The following AGO3 variants were observed in gnomAD, a reference collection of about 807,000 sequenced individuals.
AGO3 encodes the protein argonaute RISC catalytic component 3, also known as protein argonaute-3.
In AGO3, 16 loss-of-function variants were observed where a neutral mutation model predicts 105.5. That is an observed-to-expected ratio of 0.15 (90% CI 0.10 to 0.23). The LOEUF (loss-of-function observed/expected upper bound fraction) is 0.23. Among genes scored for constraint, AGO3 ranks in the 10% least tolerant of loss-of-function variants. AGO3 has a pLI of 1.00. For missense variants in AGO3, 534 were observed against 1,088.0 expected (o/e 0.49, Z 7.16); for synonymous variants, 340 against 367.3 (o/e 0.93, Z 0.85).
intron 2 of AGO3, among the ~76,000 whole-genome samples, chr1:35,950,474 A>G (rs528293720): frequency 6.6e-6 from 1 of 152,254 alleles, no homozygotes; most frequent in South Asian, 2.1e-4. Context: ...TTGTGGGTCA[A>G]CCTTTCTACA....
At chr1:35,972,972 C>T (rs912828674) in intron 4 of AGO3, among the ~76,000 whole-genome samples, 1 of 147,752 alleles carries the variant, frequency 6.8e-6, no homozygotes, top group Non-Finnish European at 1.5e-5. Context: ...GCTCGGATTA[C>T]AGGTGTGAGC....
At chr1:36,029,840 G>A (rs531113606) in intron 12 of AGO3, among the ~76,000 whole-genome samples, 12 of 151,720 alleles carry the variant, frequency 7.9e-5, no homozygotes, top group South Asian at 6.2e-4. Flanking sequence ...CTATAGGCGC[G>A]TGCCACCATG....
In AGO3 at chr1:36,061,599, A is replaced by G. The variant is rs1427441338; in HGVS notation, c.*5854A>G. ...TGTGACAAAATTAGAATCCTGTCAAATCACCTATCCAGCCATCGGGGTCCC... is the reference window on the plus strand; with the variant it reads ...TGTGACAAAATTAGAATCCTGTCAAGTCACCTATCCAGCCATCGGGGTCCC... On this transcript the variant is annotated 3_prime_UTR_variant, in exon 19 of 19. Transcript: ENST00000373191. 2 of 152,214 alleles carry G rather than the reference A, an allele frequency of 1.3e-5. No homozygotes were observed. The highest frequency in any genetic ancestry group is 3.8e-4 in the East Asian group (2 of 5,204). The allele number at this position is 152,214 out of a possible 1,614,324, so 9.4% of individuals were successfully genotyped here.
At chr1:36,009,237 AC>A in intron 8 of AGO3, 193 bp downstream of exon 8, 1 of 837,722 alleles carries the variant, frequency 1.2e-6, no homozygotes, top group Non-Finnish European at 1.7e-6. Context: ...CTCTAATGTA[AC>A]CACTGTTAAC....
intron 5 of AGO3, among the ~76,000 whole-genome samples, chr1:35,974,040 G>A (rs1027299364): frequency 1.3e-5 from 2 of 152,090 alleles, no homozygotes; most frequent in East Asian, 1.9e-4. Flanking sequence ...TGCGTAATCC[G>A]AGTACATTTC....
chr1:36,040,687 A>G (rs1019838121), intron 16 of AGO3, among the ~76,000 whole-genome samples: 2 of 152,174 alleles, frequency 1.3e-5, no homozygotes, highest in Admixed American at 1.3e-4. Flanking sequence ...ATGGTTTTAA[A>G]ATTATTCTTC....
intron 17 of AGO3, among the ~76,000 whole-genome samples, chr1:36,046,967 G>A (rs190209466): frequency 1.3e-5 from 2 of 151,910 alleles, no homozygotes; most frequent in Admixed American, 6.6e-5. Flanking sequence ...AAAGCAGGCC[G>A]GCCGCAGTGG....
At chr1:35,952,110 G>GTCTTTCTTTCTT (rs146413112) in intron 2 of AGO3, among the ~76,000 whole-genome samples, 8 of 113,010 alleles carry the variant, frequency 7.1e-5, no homozygotes, top group Non-Finnish European at 1.2e-4. Context: ...TTCTGGGTCG[G>GTCTTTCTTTCTT]TCTTTCTTTC....
At chr1:35,943,752 C>T (rs1646303624) in intron 1 of AGO3, among the ~76,000 whole-genome samples, 1 of 151,788 alleles carries the variant, frequency 6.6e-6, no homozygotes, top group South Asian at 2.1e-4. Flanking sequence ...TACAGGTGCA[C>T]ACCTGGCTAA....
At chr1:35,945,198 CTT>C in intron 1 of AGO3, among the ~76,000 whole-genome samples, 1 of 136,158 alleles carries the variant, frequency 7.3e-6, no homozygotes, top group Non-Finnish European at 1.5e-5. Flanking sequence ...TTATTTTACT[CTT>C]TTCTTTTCTT....
chr1:35,930,928 ACGGC>A (rs1291071460), upstream of AGO3: 29 of 275,146 alleles, frequency 1.1e-4, no homozygotes, highest in South Asian at 4.5e-3. Flanking sequence ...CCGGCGGGGT[ACGGC>A]CGAGCCCGCC....
At chr1:35,976,323 A>G (rs533930469) in intron 5 of AGO3, among the ~76,000 whole-genome samples, 3 of 152,168 alleles carry the variant, frequency 2.0e-5, no homozygotes, top group East Asian at 1.9e-4. Context: ...ATATATATTC[A>G]GGCTTTTGAT....
chr1:35,975,952 T>C (rs1013256795), intron 5 of AGO3, among the ~76,000 whole-genome samples: 17 of 151,768 alleles, frequency 1.1e-4, no homozygotes, highest in African/African-American at 4.1e-4. Flanking sequence ...TTTTCTTTTT[T>C]CTTTCTTTTT....
chr1:36,000,173 C>T (rs1193887278), intron 5 of AGO3, among the ~76,000 whole-genome samples: 2 of 151,896 alleles, frequency 1.3e-5, no homozygotes, highest in East Asian at 3.9e-4. Flanking sequence ...TCAGTAATAG[C>T]TAATTTGTGA....
At chr1:35,963,161 A>G (rs1311341427) in intron 2 of AGO3, among the ~76,000 whole-genome samples, 1 of 152,194 alleles carries the variant, frequency 6.6e-6, no homozygotes, top group Admixed American at 6.5e-5. Flanking sequence ...TAATTCTCAC[A>G]TGGGTTCATA....
intron 16 of AGO3, 75 bp downstream of exon 16, chr1:36,040,516 C>T: frequency 6.6e-7 from 1 of 1,509,868 alleles, no homozygotes; most frequent in Non-Finnish European, 9.0e-7. Context: ...TCAACAAGGG[C>T]CCTCTGCCAA....
chr1:35,961,192 C>T (rs1296327123), intron 2 of AGO3, among the ~76,000 whole-genome samples: 2 of 151,738 alleles, frequency 1.3e-5, no homozygotes, highest in Admixed American at 6.6e-5. Context: ...ACCTCTTGAT[C>T]CGCCTGCCTC....
At chr1:36,040,584 G>C in intron 16 of AGO3, 143 bp downstream of exon 16, 15 of 716,924 alleles carry the variant, frequency 2.1e-5, no homozygotes, top group South Asian at 3.6e-5. Context: ...GAGTATAGAA[G>C]CATCAAAATA....
At chr1:36,048,002 T>C (rs1301345996) in intron 17 of AGO3, among the ~76,000 whole-genome samples, 1 of 152,124 alleles carries the variant, frequency 6.6e-6, no homozygotes, top group African/African-American at 2.4e-5. Flanking sequence ...CCAAGGAACA[T>C]TGTAGTCAAA....
Sources: allele counts gnomAD v4.1 joint callset (sites outside exome capture counted in the v4.1 genomes callset), GRCh38; gene constraint gnomAD v4.1.1; transcripts MANE v1.5; gene names NCBI Gene and HGNC (gene_info 2026-07-23, HGNC 2026-07-21).